The following BSN variants were observed in gnomAD, a reference collection of about 807,000 sequenced individuals.
BSN encodes protein bassoon.
Under a neutral mutation model 264.8 loss-of-function variants are expected in BSN, and 57 were observed. That is an observed-to-expected ratio of 0.22 (90% CI 0.17 to 0.27). The LOEUF is 0.27. Among genes scored for constraint, BSN ranks in the 10% least tolerant of loss-of-function variants. BSN has a pLI of 1.00. For missense variants in BSN, 4,615 were observed against 5,232.5 expected, an observed-to-expected ratio of 0.88 and a Z score of 3.64; for synonymous variants, 2,059 against 2,137.3, an observed-to-expected ratio of 0.96 and a Z score of 1.01.
intron 1 of BSN, among the ~76,000 whole-genome samples, chr3:49,594,840 T>A (rs984086923): frequency 7.9e-5 from 12 of 152,172 alleles, no homozygotes; most frequent in East Asian, 1.9e-4. Context: ...TTAGTTTTTT[T>A]AAAATTTCTT....
chr3:49,667,236 A>G (rs1473316333), intron 11 of BSN, among the ~76,000 whole-genome samples: 1 of 151,264 alleles, frequency 6.6e-6, no homozygotes, highest in Non-Finnish European at 1.5e-5. Context: ...GAAATTCTTT[A>G]CGGCAATTTC....
intron 1 of BSN, among the ~76,000 whole-genome samples, chr3:49,612,971 A>G (rs2052219661): frequency 6.6e-6 from 1 of 152,156 alleles, no homozygotes; most frequent in Admixed American, 6.5e-5. Context: ...CGTCTCTACT[A>G]AAAATACAAA....
rs1228793518 is a variant in BSN at position 49,651,862 on chromosome 3, A to AGGC, written c.2307_2309dup (p.Ala770dup). ...CCCCACTCCTTGTCCATCACGCCTG[A>AGGC]GGCCTTTGACTCTGATGAGGAGCTG... is the stretch of plus-strand genomic sequence containing the variant. On this transcript the variant is annotated inframe_insertion, in exon 5 of 12. Transcript: ENST00000296452. This position sits in a 1 kb window ranked among gnomAD's most constrained non-coding sequence, Gnocchi z 5.4. The AGGC allele has an allele frequency of 6.2e-7, 1 of 1,613,982 alleles. No individual in the cohort carries two copies. The highest frequency in any genetic ancestry group is 8.5e-7 in the Non-Finnish European group (1 of 1,180,032).
At position 49,655,055 on chromosome 3, in the gene BSN, A is replaced by C. The variant is rs2052585242; in HGVS notation, c.5499A>C (p.Pro1833=). The C allele has an allele frequency of 1.9e-6, 3 of 1,613,086 alleles. No individual in the cohort carries two copies. The highest frequency in any genetic ancestry group is 1.7e-6 in the Non-Finnish European group (2 of 1,180,038). Residue 1833 remains proline, a synonymous_variant, in exon 5 of 12, where the codon CCA becomes CCC. Coordinates refer to ENST00000296452, the MANE Select transcript of BSN (RefSeq NM_003458.4). ...TAQSIGLKPG[P]VPEPGAEPHR... is the part of the protein sequence containing the mutation. ...AGAGCATTGGCCTCAAGCCAGGCCC[A>C]GTGCCAGAGCCAGGTGCCGAGCCCC... is the stretch of plus-strand genomic sequence containing the variant.
chr3:49,664,742 G>A, intron 9 of BSN, 57 bp from the exon 10 acceptor site: 1 of 1,603,498 alleles, frequency 6.2e-7, no homozygotes, highest in Admixed American at 1.7e-5. Flanking sequence ...AAGTGGCCCT[G>A]ACTGGGAGGG....
At position 49,638,963 on chromosome 3, in the gene BSN, T is replaced by C. The variant is rs1575444347; in HGVS notation, c.634-3305T>C. Among the ~76,000 whole-genome samples the C allele has an allele frequency of 1.3e-5, 2 of 152,158 alleles. No homozygotes were observed. The highest frequency in any genetic ancestry group is 4.8e-5 in the African/African-American group (2 of 41,442). On this transcript the variant is annotated intron_variant, in intron 2 of 11. Transcript: ENST00000296452. The surrounding 1 kb of genome is among the most constrained non-coding windows in gnomAD (Gnocchi z 4.3). ...AGAACTGAATTTGTGGCTGCCACCC[T>C]GGGCCAGAGGCTGAGCTTCCCCTCT... is the stretch of plus-strand genomic sequence containing the variant.
In BSN at chr3:49,657,355, G is replaced by A. The variant is rs144800726; in HGVS notation, c.7799G>A (p.Arg2600Gln). 39 of 1,613,200 alleles carry A rather than the reference G, an allele frequency of 2.4e-5. No individual in the cohort carries two copies. Among genetic ancestry groups the A allele is most frequent in the Non-Finnish European group, 3.1e-5 (37 of 1,180,004 alleles). Residue 2600 changes from arginine to glutamine, a missense_variant, in exon 5 of 12, where the codon CGG (arginine) becomes CAG (glutamine). Physicochemically the swap from Arg to Gln is conservative, Grantham distance 43. This residue lies in a region of BSN where 3,415 missense variants were observed against 3,866.4 expected (regional missense o/e 0.88). Coordinates refer to ENST00000296452, the MANE Select transcript of BSN (RefSeq NM_003458.4). ...EDGESRYLLS[R>Q]RRRARRSADC... Reference sequence around the variant, plus strand: ...GGGGAGAGCCGCTACCTCTTGAGTCGGCGACGCCGGGCACGGCGGAGTGCT... The same window carrying A: ...GGGGAGAGCCGCTACCTCTTGAGTCAGCGACGCCGGGCACGGCGGAGTGCT...
At chr3:49,560,840 C>T (rs893756774) in intron 1 of BSN, among the ~76,000 whole-genome samples, 1 of 152,182 alleles carries the variant, frequency 6.6e-6, no homozygotes, top group Non-Finnish European at 1.5e-5. Context: ...TCCTTCTGTA[C>T]AGATCGGGCT....
intron 1 of BSN, among the ~76,000 whole-genome samples, chr3:49,557,893 A>G (rs1239499625): frequency 6.6e-6 from 1 of 152,172 alleles, no homozygotes; most frequent in Non-Finnish European, 1.5e-5. Context: ...ATGTTTGCAA[A>G]TTGATATCTA....
chr3:49,576,079 A>ATGTTATCT (rs2051843387), intron 1 of BSN, among the ~76,000 whole-genome samples: 1 of 152,100 alleles, frequency 6.6e-6, no homozygotes, highest in Non-Finnish European at 1.5e-5. Context: ...GTAAGAGACA[A>ATGTTATCT]GGTGTTGTCT....
At chr3:49,573,690 T>C (rs2051816534) in intron 1 of BSN, among the ~76,000 whole-genome samples, 2 of 149,896 alleles carry the variant, frequency 1.3e-5, no homozygotes, top group South Asian at 4.3e-4. Flanking sequence ...GGAGTTTTGC[T>C]CTTGTTGCCC....
At chr3:49,587,238 A>G (rs535028200) in intron 1 of BSN, among the ~76,000 whole-genome samples, 15 of 152,324 alleles carry the variant, frequency 9.8e-5, no homozygotes, top group African/African-American at 3.6e-4. Flanking sequence ...TAATAGAAAT[A>G]CTACTGATTT....
In BSN at chr3:49,574,313, T is replaced by C. The variant is rs1025017605; in HGVS notation, c.224+19487T>C. Among the ~76,000 whole-genome samples the C allele has an allele frequency of 4.6e-5, 7 of 152,056 alleles. No individual in the cohort carries two copies. In the East Asian group the frequency reaches 1.4e-3, roughly 29 times the overall value. On this transcript the variant is annotated intron_variant, in intron 1 of 11. Coordinates refer to ENST00000296452, the MANE Select transcript of BSN (RefSeq NM_003458.4). ...GTTTTTGGATGCATAGTGAAATTAT[T>C]ATCTCTTTCCCAGGAGTCATCAGGA... is the stretch of plus-strand genomic sequence containing the variant.
chr3:49,643,254 C>T (rs1185606755), intron 3 of BSN, 102 bp downstream of exon 3: 3 of 1,473,728 alleles, frequency 2.0e-6, no homozygotes, highest in Admixed American at 5.1e-5. Flanking sequence ...CTGCAGCAGC[C>T]ATGGGGCTGC....
chr3:49,604,649 T>G (rs1426208573), intron 1 of BSN, among the ~76,000 whole-genome samples: 1 of 152,176 alleles, frequency 6.6e-6, no homozygotes, highest in Admixed American at 6.6e-5. Flanking sequence ...TTTTGGCTAG[T>G]GTGAATGATG....
chr3:49,662,800 C>T, intron 6 of BSN, 76 bp from the exon 7 acceptor site: 3 of 1,502,114 alleles, frequency 2.0e-6, no homozygotes, highest in Non-Finnish European at 2.7e-6. Context: ...CTCTTGGTTT[C>T]TTTGCATGGC....
At position 49,663,833 on chromosome 3, in the gene BSN, C is replaced by G. The variant is rs769943203; in HGVS notation, c.11555C>G (p.Pro3852Arg). ...GGCTCTAAAGGGACAGCCAAAGCAC[C>G]GCAACAGGGGAGGGCTCCTCAGGCC... ...TNGSKGTAKA[P>R]QQGRAPQAQP... The change falls in exon 8 of 12, where the codon CCG becomes CGG. Residue 3852 changes from proline to arginine, a missense_variant. Pro to Arg is a moderately radical substitution (Grantham distance 103). Coordinates refer to ENST00000296452, the MANE Select transcript of BSN (RefSeq NM_003458.4). The G allele has an allele frequency of 1.2e-6, 2 of 1,614,106 alleles. No individual in the cohort carries two copies. The highest frequency in any genetic ancestry group is 1.7e-6 in the Non-Finnish European group (2 of 1,180,026).
At chr3:49,603,821 C>G (rs1055606799) in intron 1 of BSN, among the ~76,000 whole-genome samples, 1 of 152,146 alleles carries the variant, frequency 6.6e-6, no homozygotes, top group Admixed American at 6.5e-5. Flanking sequence ...AAAGAAAACC[C>G]CACACTCATT....
chr3:49,581,837 A>G (rs2051897411), intron 1 of BSN, among the ~76,000 whole-genome samples: 1 of 152,180 alleles, frequency 6.6e-6, no homozygotes, highest in African/African-American at 2.4e-5. Flanking sequence ...AAAAACCCAA[A>G]AAACAAAACA....
Sources: gnomAD v4.1 joint callset for allele counts (sites outside exome capture counted in the v4.1 genomes callset) on GRCh38, gnomAD v4.1.1 for gene constraint, gnomAD v4.1.1 regional missense constraint, Gnocchi (gnomAD v3.1) non-coding constraint, MANE v1.5 for transcripts, NCBI Gene and HGNC (gene_info 2026-07-23, HGNC 2026-07-21) for gene names.